The following ABCG2 variants were observed in gnomAD, a reference collection of about 807,000 sequenced individuals.
ABCG2 encodes the protein ATP binding cassette subfamily G member 2 (JR blood group).
A neutral mutation model predicts 73.5 loss-of-function variants in ABCG2; 80 were observed. The ratio of observed to expected loss-of-function variants is 1.09; its 90% CI spans 0.91 to 1.31. The LOEUF is 1.31. Ranked by LOEUF, ABCG2 falls within the 50% of genes most tolerant of loss-of-function variation. The pLI is 0.00. For synonymous variants in ABCG2, 269 were observed against 282.4 expected (o/e 0.95, Z 0.48); for missense variants, 796 against 786.2 (o/e 1.01, Z -0.15).
chr4:88,164,786 G>T (rs3114021), intron 1 of ABCG2, among the ~76,000 whole-genome samples: 150,376 of 152,294 alleles, frequency 0.99, 74,271 homozygotes, highest in Middle Eastern at 1. Context: ...TGTTGTTGTT[G>T]TTTGTTTTTG....
At chr4:88,113,610 A>AT (rs945509368) in intron 8 of ABCG2, 57 bp from the exon 9 acceptor site, 9 of 1,578,668 alleles carry the variant, frequency 5.7e-6, no homozygotes, top group African/African-American at 1.4e-5. Flanking sequence ...AATTTAGCCC[A>AT]TTTTTTCTGT....
At chr4:88,097,668 T>C in intron 12 of ABCG2, 61 bp from the exon 13 acceptor site, 1 of 1,529,064 alleles carries the variant, frequency 6.5e-7, no homozygotes, top group Non-Finnish European at 8.9e-7. Flanking sequence ...TGTTTGGGAT[T>C]GCTTATTGTG....
chr4:88,127,136 GACAA>G lies in ABCG2; in HGVS notation c.531+3921_531+3924del, dbSNP rs201717742. ...CAAGCATTCCTATACACCAATAATAGACAAACAGAGAGCCAAATCATGAACTTCC... is the reference window on the plus strand; with the variant it reads ...CAAGCATTCCTATACACCAATAATAGACAGAGAGCCAAATCATGAACTTCC... On this transcript the variant is annotated intron_variant, in intron 5 of 15. Transcript: ENST00000237612. 5.9e-3 allele frequency among the ~76,000 whole-genome samples: 904 copies of G among 152,180 alleles called. 6 individuals carry two copies. Among genetic ancestry groups the G allele is most frequent in the African/African-American group, 9.6e-3 (399 of 41,516 alleles).
In ABCG2 at chr4:88,140,016, T is replaced by C. The variant is rs1725521513; in HGVS notation, c.-19-2A>G. Reference sequence around the variant, plus strand: ...GACATCTGGAGAGTTTTTATCTTTCTGCAGACAGAAAAGCAATAGTAAGTT... The same window carrying C: ...GACATCTGGAGAGTTTTTATCTTTCCGCAGACAGAAAAGCAATAGTAAGTT... On this transcript the variant is annotated splice_acceptor_variant, in intron 1 of 15. Coordinates refer to ENST00000237612, the MANE Select transcript of ABCG2 (RefSeq NM_004827.3). LOFTEE classifies it low-confidence loss of function (5UTR_SPLICE). The C allele has an allele frequency of 1.2e-6, 2 of 1,610,084 alleles. No homozygotes were observed. The highest frequency in any genetic ancestry group is 2.7e-5 in the African/African-American group (2 of 74,976).
intron 3 of ABCG2, 111 bp downstream of exon 3, chr4:88,132,465 A>G: frequency 8.8e-7 from 1 of 1,137,532 alleles, no homozygotes; most frequent in Non-Finnish European, 1.3e-6. Flanking sequence ...ACCAGACCTG[A>G]CATGCGTTGC....
intron 5 of ABCG2, among the ~76,000 whole-genome samples, chr4:88,130,133 T>C (rs568018128): frequency 4.6e-5 from 7 of 152,238 alleles, no homozygotes; most frequent in African/African-American, 1.7e-4. Context: ...CTGAAACATA[T>C]AGAGCAGGGG....
chr4:88,112,867 T>C (rs779098394), intron 9 of ABCG2, among the ~76,000 whole-genome samples: 10 of 152,276 alleles, frequency 6.6e-5, no homozygotes, highest in South Asian at 2.1e-4. Flanking sequence ...CCTAGCACTC[T>C]GGGAGACTGA....
intron 1 of ABCG2, among the ~76,000 whole-genome samples, chr4:88,202,350 TTA>T (rs35556435): frequency 2.8e-4 from 10 of 35,378 alleles, no homozygotes; most frequent in African/African-American, 1.2e-3. Flanking sequence ...ATCTCTACAA[TTA>T]TTTATATATA....
intron 6 of ABCG2, among the ~76,000 whole-genome samples, chr4:88,121,147 T>C (rs572573145): frequency 5.7e-4 from 87 of 152,176 alleles, no homozygotes; most frequent in African/African-American, 2.0e-3. Context: ...AAATAGAAGA[T>C]GCTAAGGATT....
At chr4:88,163,846 A>G, upstream of ABCG2, 1 of 206,616 alleles carries the variant, frequency 4.8e-6, no homozygotes, top group Non-Finnish European at 1.0e-5. Flanking sequence ...GCAGTTGTTC[A>G]GAAAATGTAA....
At chr4:88,199,908 G>A (rs1308022328) in intron 1 of ABCG2, among the ~76,000 whole-genome samples, 6 of 152,096 alleles carry the variant, frequency 3.9e-5, no homozygotes, top group African/African-American at 1.4e-4. Context: ...AGGCTGAGGC[G>A]GGAGAATGGC....
At chr4:88,100,379 T>G (rs1294008589) in intron 11 of ABCG2, among the ~76,000 whole-genome samples, 1 of 151,730 alleles carries the variant, frequency 6.6e-6, no homozygotes, top group Non-Finnish European at 1.5e-5. Flanking sequence ...GGCGGGCACC[T>G]GTAATCCCAG....
chr4:88,222,734 G>A (rs769253611), intron 1 of ABCG2, among the ~76,000 whole-genome samples: 62 of 152,210 alleles, frequency 4.1e-4, no homozygotes, highest in Admixed American at 7.9e-4. Context: ...GTGGGGCACC[G>A]CCTAGTGGAG....
chr4:88,130,831 C>T (rs1317270337), intron 5 of ABCG2, among the ~76,000 whole-genome samples: 4 of 152,202 alleles, frequency 2.6e-5, no homozygotes, highest in Admixed American at 2.0e-4. Flanking sequence ...CTTTCACGTA[C>T]AACACCACAT....
At chr4:88,222,868 C>A (rs1730064560) in intron 1 of ABCG2, among the ~76,000 whole-genome samples, 1 of 152,208 alleles carries the variant, frequency 6.6e-6, no homozygotes, top group African/African-American at 2.4e-5. Context: ...GAAGAGGGGG[C>A]TATACCTTGA....
At chr4:88,199,927 G>A (rs1336013448) in intron 1 of ABCG2, among the ~76,000 whole-genome samples, 14 of 152,172 alleles carry the variant, frequency 9.2e-5, no homozygotes, top group Non-Finnish European at 1.8e-4. Flanking sequence ...GCGTGAACCC[G>A]GCAGGCAGAG....
At chr4:88,207,436 A>C (rs1729421516) in intron 1 of ABCG2, among the ~76,000 whole-genome samples, 1 of 152,196 alleles carries the variant, frequency 6.6e-6, no homozygotes, top group African/African-American at 2.4e-5. Flanking sequence ...TAGTGATATG[A>C]AACTGTGGAC....
At chr4:88,172,757 G>C (rs1437537252) in intron 1 of ABCG2, among the ~76,000 whole-genome samples, 1 of 151,964 alleles carries the variant, frequency 6.6e-6, no homozygotes, top group Non-Finnish European at 1.5e-5. Flanking sequence ...TCCATTCATA[G>C]CCCAGCCCAA....
chr4:88,148,474 G>T (rs777457706), intron 1 of ABCG2, among the ~76,000 whole-genome samples: 1 of 152,230 alleles, frequency 6.6e-6, no homozygotes, highest in Admixed American at 6.5e-5. Flanking sequence ...AGGGTGCAGC[G>T]TGCCTGATCA....
Sources: allele counts gnomAD v4.1 joint callset (sites outside exome capture counted in the v4.1 genomes callset), GRCh38; gene constraint gnomAD v4.1.1; transcripts MANE v1.5; gene names NCBI Gene and HGNC (gene_info 2026-07-23, HGNC 2026-07-21).